Variants in FRMPD4 observed in about 807,000 individuals in gnomAD.
FRMPD4 encodes FERM and PDZ domain containing 4.
FRMPD4 carries 22 observed loss-of-function variants against 94.1 expected under a neutral mutation model. The ratio of observed to expected loss-of-function variants is 0.23; its 90% CI spans 0.17 to 0.33. The LOEUF is 0.33. Ranked by LOEUF, FRMPD4 falls within the 10% of genes least tolerant of loss-of-function variation. FRMPD4 has a pLI of 1.00. For missense variants in FRMPD4, 1,111 were observed against 1,339.9 expected, an observed-to-expected ratio of 0.83 and a Z score of 2.67; for synonymous variants, 631 against 548.6, an observed-to-expected ratio of 1.15 and a Z score of -2.10.
At chrX:12,616,024 G>A (rs1732897919) in intron 4 of FRMPD4, among the ~76,000 whole-genome samples, 1 of 110,932 alleles carries the variant, frequency 9.0e-6, no homozygotes, top group African/African-American at 3.3e-5. Flanking sequence ...AGGCACTTAA[G>A]AGTAAGCAAC....
At chrX:12,445,959 T>C (rs749268807) in intron 1 of FRMPD4, among the ~76,000 whole-genome samples, 1 of 112,664 alleles carries the variant, frequency 8.9e-6, no homozygotes, top group Non-Finnish European at 1.9e-5. Context: ...TTTGATAACA[T>C]CTATTGTTTA....
chrX:12,696,841 C>T (rs914233267), intron 9 of FRMPD4, among the ~76,000 whole-genome samples: 2 of 111,747 alleles, frequency 1.8e-5, no homozygotes, highest in Non-Finnish European at 3.8e-5. Flanking sequence ...GGAAGAGAGA[C>T]TAGACAAGGT....
intron 3 of FRMPD4, among the ~76,000 whole-genome samples, chrX:11,975,487 T>C (rs2054362182): frequency 6.2e-5 from 7 of 112,410 alleles, no homozygotes. Flanking sequence ...TTTGATAAAT[T>C]GCAACAATAT....
chrX:12,710,140 A>C (rs2041957204), intron 13 of FRMPD4, among the ~76,000 whole-genome samples: 1 of 70,501 alleles, frequency 1.4e-5, no homozygotes, highest in Admixed American at 1.8e-4. Context: ...ATATAGATAG[A>C]CAGATAGATA....
intron 3 of FRMPD4, among the ~76,000 whole-genome samples, chrX:12,127,085 C>G (rs1043349995): frequency 4.5e-5 from 5 of 112,108 alleles, no homozygotes; most frequent in African/African-American, 1.6e-4. Context: ...TTCTCTCCAA[C>G]TCAGGGAATG....
chrX:12,390,055 TA>T (rs1258601112), intron 1 of FRMPD4, among the ~76,000 whole-genome samples: 5 of 112,172 alleles, frequency 4.5e-5, no homozygotes, highest in Non-Finnish European at 7.5e-5. Context: ...TTGCTTGTTG[TA>T]GTTTCTAATC....
Position 12,707,479 on chromosome X carries a change from A to G in FRMPD4, c.1298A>G (p.Lys433Arg). 8.4e-7 allele frequency: 1 copy of G among 1,192,389 alleles called. No homozygotes were observed. The highest frequency in any genetic ancestry group is 1.1e-6 in the Non-Finnish European group (1 of 887,260). The change falls in exon 13 of 17, where the codon AAG becomes AGG. Residue 433 changes from lysine to arginine, a missense_variant. Around this residue, in one of 8 missense-constraint regions of FRMPD4, gnomAD observed 111 missense variants for 160.7 expected, o/e 0.69. Transcript: ENST00000675598. ...VFKATLVQAE[K>R]RSEVTLLVGP... is the part of the protein sequence containing the mutation. ...ACTTCTCTTTCTCAGCAGGCAGAAA[A>G]GCGCTCGGAAGTGACTCTCCTGGTT...
intron 1 of FRMPD4, among the ~76,000 whole-genome samples, chrX:12,213,751 C>T (rs767767047): frequency 8.9e-6 from 1 of 112,013 alleles, no homozygotes; most frequent in South Asian, 3.7e-4. Flanking sequence ...TCTTTGGATG[C>T]TTTCTTTACT....
chrX:12,412,984 A>C (rs923673004), intron 1 of FRMPD4, among the ~76,000 whole-genome samples: 4 of 111,084 alleles, frequency 3.6e-5, no homozygotes, highest in Non-Finnish European at 7.5e-5. Flanking sequence ...TAGTAAAAAA[A>C]AAAAACACAC....
intron 1 of FRMPD4, among the ~76,000 whole-genome samples, chrX:12,297,997 A>T (rs2054799336): frequency 1.8e-5 from 2 of 111,664 alleles, no homozygotes; most frequent in African/African-American, 6.5e-5. Flanking sequence ...GCTAATAATC[A>T]TATTAATAAT....
At chrX:12,194,496 T>A (rs973053628) in intron 1 of FRMPD4, among the ~76,000 whole-genome samples, 4 of 110,852 alleles carry the variant, frequency 3.6e-5, no homozygotes, top group Admixed American at 1.9e-4. Context: ...CTTAAAAAAA[T>A]TTGGGGTGCT....
intron 3 of FRMPD4, among the ~76,000 whole-genome samples, chrX:12,042,806 A>G (rs1185606071): frequency 1.8e-5 from 2 of 111,965 alleles, no homozygotes; most frequent in Non-Finnish European, 3.8e-5. Flanking sequence ...CTAGAACCTA[A>G]GGCTAGCAAG....
chrX:12,100,546 G>A (rs1422368195), intron 3 of FRMPD4, among the ~76,000 whole-genome samples: 3 of 110,512 alleles, frequency 2.7e-5, no homozygotes, highest in Non-Finnish European at 5.7e-5. Context: ...AAAAAAAAAA[G>A]TAGCTGACTG....
chrX:12,063,462 CTTTTTA>C (rs1187946706), intron 3 of FRMPD4, among the ~76,000 whole-genome samples: 1 of 112,785 alleles, frequency 8.9e-6, no homozygotes, highest in African/African-American at 3.2e-5. Context: ...TTATCAAATG[CTTTTTA>C]TTATCTACTG....
intron 1 of FRMPD4, among the ~76,000 whole-genome samples, chrX:12,493,387 T>C (rs1216269159): frequency 1.8e-5 from 2 of 111,338 alleles, no homozygotes; most frequent in Admixed American, 9.5e-5. Flanking sequence ...AAATTCTGGA[T>C]CGTGTTTTAT....
intron 3 of FRMPD4, among the ~76,000 whole-genome samples, chrX:12,124,719 T>A (rs995767181): frequency 9.0e-6 from 1 of 111,712 alleles, no homozygotes; most frequent in Non-Finnish European, 1.9e-5. Context: ...GTGATGAGTA[T>A]GCATTTTAAT....
At chrX:12,319,736 C>T (rs1183657625) in intron 1 of FRMPD4, among the ~76,000 whole-genome samples, 2 of 111,895 alleles carry the variant, frequency 1.8e-5, no homozygotes, top group African/African-American at 6.5e-5. Context: ...CTGTAAAATG[C>T]ATTGAGTCTC....
At chrX:11,861,366 T>C (rs1159666914) in intron 1 of FRMPD4, among the ~76,000 whole-genome samples, 4 of 111,215 alleles carry the variant, frequency 3.6e-5, no homozygotes, top group Admixed American at 9.6e-5. Context: ...CTTTTTTTTT[T>C]CCCTTGAATG....
Position 11,926,823 on chromosome X carries a change from C to T in FRMPD4, c.95+48805C>T, listed in dbSNP as rs189555072. 1.6e-3 allele frequency among the ~76,000 whole-genome samples: 173 copies of T among 111,608 alleles called. No homozygotes were observed. The Middle Eastern group carries it at 0.037, about 24-fold the overall frequency. Reference sequence around the variant, plus strand: ...GTACTGAATGGGCTAGAAGCATTCCCTTTAAAAATCAGCACAAGACAAGGA... The same window carrying T: ...GTACTGAATGGGCTAGAAGCATTCCTTTTAAAAATCAGCACAAGACAAGGA... On this transcript the variant is annotated intron_variant, in intron 3 of 18. Coordinates refer to the FRMPD4 transcript ENST00000640291.
Sources: gnomAD v4.1 joint callset for allele counts (sites outside exome capture counted in the v4.1 genomes callset) on GRCh38, gnomAD v4.1.1 for gene constraint, gnomAD v4.1.1 regional missense constraint, MANE v1.5 for transcripts, NCBI Gene and HGNC (gene_info 2026-07-23, HGNC 2026-07-21) for gene names.